RETREG1: variants seen among roughly 807,000 people sequenced by gnomAD.
The protein encoded by RETREG1 is family with sequence similarity 134 member B.
Under a neutral mutation model 54.8 loss-of-function variants are expected in RETREG1, and 44 were observed. That is an observed-to-expected ratio of 0.80 (90% CI 0.63 to 1.03). RETREG1 has a LOEUF of 1.03. Ranked by LOEUF, RETREG1 falls within the 50% of genes least tolerant of loss-of-function variation. The probability of loss-of-function intolerance (pLI) is 0.00; values close to 1 mark genes in which losing one functional copy is unlikely to be tolerated. For missense variants in RETREG1, 554 were observed against 605.1 expected (o/e 0.92, Z 0.89); for synonymous variants, 217 against 238.5 (o/e 0.91, Z 0.83).
chr5:16,565,751 A>T lies in RETREG1; in HGVS notation c.458+12T>A. On this transcript the variant is annotated intron_variant, in intron 3 of 8. Transcript: ENST00000306320. ...CCTCCATTAAGCACAACACGGAAAGAAAGTTCCCTACCTTTCACTGAGGCT... is the reference window on the plus strand; with the variant it reads ...CCTCCATTAAGCACAACACGGAAAGTAAGTTCCCTACCTTTCACTGAGGCT... The T allele has an allele frequency of 6.2e-7, 1 of 1,614,112 alleles. No homozygotes were observed. The highest frequency in any genetic ancestry group is 8.5e-7 in the Non-Finnish European group (1 of 1,180,006).
chr5:16,482,362 A>T (rs1188535487), intron 4 of RETREG1, among the ~76,000 whole-genome samples: 1 of 152,016 alleles, frequency 6.6e-6, no homozygotes, highest in African/African-American at 2.4e-5. Context: ...AGAAGTTTGA[A>T]GTTTAGAATC....
chr5:16,545,191 C>G (rs747498686), intron 3 of RETREG1, among the ~76,000 whole-genome samples: 72 of 152,132 alleles, frequency 4.7e-4, no homozygotes, highest in Non-Finnish European at 8.8e-4. Context: ...AGCTCCAATC[C>G]TCAAATTCTG....
At chr5:16,580,865 C>A (rs1289045658) in intron 1 of RETREG1, among the ~76,000 whole-genome samples, 1 of 152,208 alleles carries the variant, frequency 6.6e-6, no homozygotes, top group Non-Finnish European at 1.5e-5. Flanking sequence ...TAACCCCCTT[C>A]CCAGACAAAT....
intron 3 of RETREG1, among the ~76,000 whole-genome samples, chr5:16,532,309 G>A (rs529399611): frequency 1.1e-4 from 17 of 152,114 alleles, no homozygotes; most frequent in African/African-American, 7.2e-5. Flanking sequence ...GGCAGATCAC[G>A]AGGTCAGGAG....
chr5:16,521,535 A>G (rs1415922400), intron 3 of RETREG1, among the ~76,000 whole-genome samples: 1 of 152,218 alleles, frequency 6.6e-6, no homozygotes, highest in East Asian at 1.9e-4. Flanking sequence ...GCTCTGGCTC[A>G]AGTCTCACTG....
rs948446608 is a variant in RETREG1, at chr5:16,561,476, G to A, written c.458+4287C>T. On this transcript the variant is annotated intron_variant, in intron 3 of 8. Coordinates refer to ENST00000306320, the MANE Select transcript of RETREG1 (RefSeq NM_001034850.3). The surrounding 1 kb of genome is among the most constrained non-coding windows in gnomAD (Gnocchi z 4.2). ...CGCTCTACCACACTCCAGCCTGGGC[G>A]ACAGAGCAAGACTCCGTCTCAAAAA... is the stretch of plus-strand genomic sequence containing the variant. Among the ~76,000 whole-genome samples the A allele has an allele frequency of 4.6e-5, 7 of 151,908 alleles. No individual in the cohort carries two copies. The highest frequency in any genetic ancestry group is 1.9e-4 in the East Asian group (1 of 5,166).
At chr5:16,548,060 T>C (rs1265001418) in intron 3 of RETREG1, among the ~76,000 whole-genome samples, 1 of 152,090 alleles carries the variant, frequency 6.6e-6, no homozygotes, top group Non-Finnish European at 1.5e-5. Flanking sequence ...TCTCAAGAGC[T>C]TTGAAAGACA....
intron 3 of RETREG1, among the ~76,000 whole-genome samples, chr5:16,499,071 A>ATT (rs70938055): frequency 0.077 from 11,218 of 145,920 alleles, 482 homozygotes; most frequent in East Asian, 0.21. Context: ...TTAATTTTTG[A>ATT]TTTTTTTTTT....
In RETREG1 at chr5:16,541,493, C is replaced by T. The variant is rs912167619; in HGVS notation, c.458+24270G>A. On this transcript the variant is annotated intron_variant, in intron 3 of 8. Transcript: ENST00000306320. ...CTCAAGGTCAGGAGTTCGAGACCAG[C>T]CTGGCCAATATGGTGAAACCCTGTC... Among the ~76,000 whole-genome samples the T allele has an allele frequency of 2.6e-5, 4 of 152,230 alleles. No individual in the cohort carries two copies. In the South Asian group the frequency reaches 8.3e-4, roughly 32 times the overall value.
chr5:16,556,925 G>A (rs1165080517), intron 3 of RETREG1, among the ~76,000 whole-genome samples: 3 of 152,260 alleles, frequency 2.0e-5, no homozygotes, highest in Middle Eastern at 3.4e-3. Flanking sequence ...CACCTCCTGG[G>A]TTCAACTGAT....
At chr5:16,573,381 G>A (rs1439675748) in intron 1 of RETREG1, among the ~76,000 whole-genome samples, 1 of 152,238 alleles carries the variant, frequency 6.6e-6, no homozygotes, top group South Asian at 2.1e-4. Flanking sequence ...ATCACAAAGA[G>A]CGTTGAGCCT....
intron 1 of RETREG1, among the ~76,000 whole-genome samples, chr5:16,595,001 G>T (rs1255819748): frequency 2.6e-5 from 4 of 152,210 alleles, no homozygotes; most frequent in Non-Finnish European, 4.4e-5. Context: ...CAGAAACTCA[G>T]TTGCAAGAGA....
intron 3 of RETREG1, among the ~76,000 whole-genome samples, chr5:16,513,083 G>T (rs922432): frequency 0.011 from 1,689 of 152,288 alleles, 99 homozygotes; most frequent in Admixed American, 0.086. Context: ...GGAGCAGATT[G>T]GTTCAGAAGT....
intron 3 of RETREG1, among the ~76,000 whole-genome samples, chr5:16,505,236 A>G (rs1371822381): frequency 6.6e-6 from 1 of 152,152 alleles, no homozygotes; most frequent in African/African-American, 2.4e-5. Context: ...CAAACTTTTC[A>G]GTCCTTACTA....
intron 5 of RETREG1, 44 bp downstream of exon 5, chr5:16,480,965 C>G (rs569995725): frequency 5.3e-6 from 7 of 1,308,886 alleles, no homozygotes; most frequent in South Asian, 1.2e-5. Context: ...TAAGGTGATA[C>G]CATATGCATC....
chr5:16,551,871 C>T (rs1169762415), intron 3 of RETREG1, among the ~76,000 whole-genome samples: 3 of 152,178 alleles, frequency 2.0e-5, no homozygotes, highest in African/African-American at 2.4e-5. Context: ...TGTCTCCTGG[C>T]TTCTTCCAGC....
chr5:16,494,170 C>G (rs913746539), intron 3 of RETREG1, among the ~76,000 whole-genome samples: 1 of 152,188 alleles, frequency 6.6e-6, no homozygotes, highest in African/African-American at 2.4e-5. Flanking sequence ...GCTTGCTAAA[C>G]TTGCCCTCAG....
chr5:16,533,741 A>C (rs1465573798), intron 3 of RETREG1, among the ~76,000 whole-genome samples: 1 of 152,212 alleles, frequency 6.6e-6, no homozygotes, highest in Non-Finnish European at 1.5e-5. Flanking sequence ...TCCAGAACAC[A>C]AATGGGTCAT....
At chr5:16,521,598 A>T (rs1740536459) in intron 3 of RETREG1, among the ~76,000 whole-genome samples, 2 of 152,208 alleles carry the variant, frequency 1.3e-5, no homozygotes, top group South Asian at 4.1e-4. Flanking sequence ...CACCATAGAG[A>T]CAGAGGTCTT....
Sources: allele counts gnomAD v4.1 joint callset (sites outside exome capture counted in the v4.1 genomes callset), GRCh38; gene constraint gnomAD v4.1.1; non-coding constraint Gnocchi (gnomAD v3.1); transcripts MANE v1.5; gene names NCBI Gene and HGNC (gene_info 2026-07-23, HGNC 2026-07-21).